The following LRCH1 variants were observed in gnomAD, a reference collection of about 807,000 sequenced individuals.
LRCH1 encodes leucine rich repeats and calponin homology domain containing 1, also known as leucine-rich repeat and calponin homology domain-containing protein 1.
In LRCH1, 23 loss-of-function variants were observed where a neutral mutation model predicts 94.9. That is an observed-to-expected ratio of 0.24 (90% CI 0.17 to 0.34). LRCH1 has a LOEUF of 0.34. LRCH1 is among the 10% of genes least tolerant of loss of function. The pLI, the probability that LRCH1 is intolerant of heterozygous loss-of-function variation, is 1.00. For synonymous variants in LRCH1, 364 were observed against 354.9 expected (o/e 1.03, Z -0.29); for missense variants, 790 against 945.9 (o/e 0.84, Z 2.16).
chr13:46,678,844 G>T (rs1413449731), intron 3 of LRCH1, among the ~76,000 whole-genome samples: 19 of 152,188 alleles, frequency 1.2e-4, no homozygotes, highest in Admixed American at 1.2e-3. Context: ...AAAGAGCAAG[G>T]TGAGTATAGT....
intron 7 of LRCH1, among the ~76,000 whole-genome samples, chr13:46,690,097 C>T (rs559087937): frequency 5.5e-4 from 84 of 152,126 alleles, no homozygotes; most frequent in African/African-American, 1.9e-3. Flanking sequence ...CAATTCTCCT[C>T]AAGTCGTTGA....
Position 46,712,470 on chromosome 13 carries a change from T to A in LRCH1, c.1582-55T>A, listed in dbSNP as rs1872116297. The A allele has an allele frequency of 2.3e-6, 3 of 1,304,618 alleles. No homozygotes were observed. In the East Asian group the frequency reaches 6.9e-5, roughly 30 times the overall value. The allele number at this position is 1,304,618 out of a possible 1,614,324, so 80.8% of individuals were successfully genotyped here. On this transcript the variant is annotated intron_variant, in intron 14 of 19. Coordinates refer to ENST00000389797, the MANE Select transcript of LRCH1 (RefSeq NM_001164211.2). The stretch of plus-strand genomic sequence containing the variant: ...CTTGAACATAGAAAACCATACATAG[T>A]TCTTCTGTTTTCCTTTTATTTTTTT...
Position 46,553,704 on chromosome 13 carries a change from G to C in LRCH1, c.307+1G>C, listed in dbSNP as rs2050029172. ...GACCTCTCGGACACGGTGCAGGCAGGTGAGTGAGGGCCGAGGGGCGGGCAG... is the reference window on the plus strand; with the variant it reads ...GACCTCTCGGACACGGTGCAGGCAGCTGAGTGAGGGCCGAGGGGCGGGCAG... On this transcript the variant is annotated splice_donor_variant, in intron 1 of 19. Coordinates refer to ENST00000389797, the MANE Select transcript of LRCH1 (RefSeq NM_001164211.2). LOFTEE classifies it high-confidence loss of function. 6.2e-7 allele frequency: 1 copy of C among 1,609,066 alleles called. No individual in the cohort carries two copies. The highest frequency in any genetic ancestry group is 8.5e-7 in the Non-Finnish European group (1 of 1,179,072).
chr13:46,647,641 T>C (rs2051239086), intron 1 of LRCH1, among the ~76,000 whole-genome samples: 1 of 152,210 alleles, frequency 6.6e-6, no homozygotes, highest in Admixed American at 6.5e-5. Flanking sequence ...AATTTGGCAC[T>C]CTGGCTTTAT....
intron 1 of LRCH1, among the ~76,000 whole-genome samples, chr13:46,576,943 C>G (rs2050310977): frequency 6.6e-6 from 1 of 152,162 alleles, no homozygotes; most frequent in South Asian, 2.1e-4. Context: ...GCTGGGGCTT[C>G]TCTCATCTGA....
Position 46,596,811 on chromosome 13 carries a change from T to G in LRCH1, c.307+43108T>G, listed in dbSNP as rs143991945. On this transcript the variant is annotated intron_variant, in intron 1 of 19. Transcript: ENST00000389797. ...ACATGGCTAGGTCCATGGCAATCGA[T>G]CATTTGCCCAGCATTTTGCCTGCTG... Among the ~76,000 whole-genome samples, 554 of 152,286 alleles carry G rather than the reference T, an allele frequency of 3.6e-3. 5 individuals are homozygous for G. The highest frequency in any genetic ancestry group is 0.013 in the African/African-American group (535 of 41,540).
At chr13:46,740,450 T>C (rs1593388738) in intron 19 of LRCH1, among the ~76,000 whole-genome samples, 1 of 152,222 alleles carries the variant, frequency 6.6e-6, no homozygotes, top group Admixed American at 6.5e-5. Context: ...TCGAGCTAAC[T>C]TCAGAGGACA....
chr13:46,604,678 C>T (rs1158021030), intron 1 of LRCH1, among the ~76,000 whole-genome samples: 1 of 151,982 alleles, frequency 6.6e-6, no homozygotes, highest in Non-Finnish European at 1.5e-5. Context: ...TTTTATTATC[C>T]AAGGAATGAG....
At position 46,597,158 on chromosome 13, in the gene LRCH1, T is replaced by C. The variant is rs1406649231; in HGVS notation, c.307+43455T>C. Among the ~76,000 whole-genome samples, 8 of 152,260 alleles carry C rather than the reference T, an allele frequency of 5.3e-5. 2 individuals are homozygous for C. The highest frequency in any genetic ancestry group is 5.2e-4 in the Admixed American group (8 of 15,288). Reference sequence around the variant, plus strand: ...GATATGTACAGAGCAGCAAAAAAATTTGAGTAGCTCAAGGTACACGTACCC... The same window carrying C: ...GATATGTACAGAGCAGCAAAAAAATCTGAGTAGCTCAAGGTACACGTACCC... On this transcript the variant is annotated intron_variant, in intron 1 of 19. Coordinates refer to ENST00000389797, the MANE Select transcript of LRCH1 (RefSeq NM_001164211.2).
At chr13:46,715,729 C>G in intron 16 of LRCH1, 65 bp downstream of exon 16, 2 of 922,986 alleles carry the variant, frequency 2.2e-6, no homozygotes, top group East Asian at 5.2e-5. Context: ...ACTGAACATT[C>G]ATCTCTGTGC....
At chr13:46,750,768 G>T in exon 19 of LRCH1, 6 of 649,762 alleles carry the variant, frequency 9.2e-6, no homozygotes, top group Non-Finnish European at 1.6e-5. Context: ...ACTGACTCCA[G>T]TTACATTGAA....
intron 5 of LRCH1, among the ~76,000 whole-genome samples, chr13:46,686,952 A>ATTTCTTT (rs771856002): frequency 2.0e-4 from 17 of 85,436 alleles, no homozygotes; most frequent in African/African-American, 7.0e-4. Flanking sequence ...GAGTATATTG[A>ATTTCTTT]TTTTTTTTTT....
In LRCH1 at chr13:46,743,456, A is replaced by G. The variant is rs1335735520; in HGVS notation, c.*1608A>G. ...GTTATCTAATTAACCTCAGTTGTAT[A>G]TGAATAACCCACAGATGTACTGAAT... On this transcript the variant is annotated 3_prime_UTR_variant, in exon 20 of 20. Coordinates refer to ENST00000389797, the MANE Select transcript of LRCH1 (RefSeq NM_001164211.2). The G allele has an allele frequency of 7.1e-6, 7 of 985,744 alleles. No individual in the cohort carries two copies. Among genetic ancestry groups the G allele is most frequent in the African/African-American group, 1.7e-5 (1 of 57,242 alleles). 61.1% of individuals were successfully genotyped at this position (985,744 alleles called of 1,614,324 possible).
intron 1 of LRCH1, among the ~76,000 whole-genome samples, chr13:46,602,202 ATT>A (rs749779782): frequency 2.0e-5 from 3 of 152,208 alleles, no homozygotes; most frequent in Non-Finnish European, 4.4e-5. Flanking sequence ...ACCCTGAGGA[ATT>A]TTTGGTTCCG....
chr13:46,654,571 C>G (rs2051347216), intron 2 of LRCH1, among the ~76,000 whole-genome samples: 1 of 151,858 alleles, frequency 6.6e-6, no homozygotes, highest in East Asian at 1.9e-4. Context: ...GATAGTATGC[C>G]AAAGAAAAAA....
At chr13:46,594,422 C>T (rs1334116816) in intron 1 of LRCH1, among the ~76,000 whole-genome samples, 4 of 152,064 alleles carry the variant, frequency 2.6e-5, no homozygotes, top group Non-Finnish European at 4.4e-5. Flanking sequence ...GGCTATTGAC[C>T]CCAAGAAAAT....
At chr13:46,729,555 AAAAAAAAAAAAAAG>A (rs1872999131) in intron 18 of LRCH1, among the ~76,000 whole-genome samples, 1 of 146,090 alleles carries the variant, frequency 6.8e-6, no homozygotes, top group Admixed American at 6.8e-5. Flanking sequence ...TGTCTCAAAA[AAAAAAAAAAAAAAG>A]AAAAAGAAAA....
At chr13:46,596,621 T>G (rs1299550732) in intron 1 of LRCH1, among the ~76,000 whole-genome samples, 1 of 152,232 alleles carries the variant, frequency 6.6e-6, no homozygotes, top group Non-Finnish European at 1.5e-5. Flanking sequence ...AATTCTAACT[T>G]GAAGCTACAT....
At chr13:46,584,770 A>G (rs953615803) in intron 1 of LRCH1, among the ~76,000 whole-genome samples, 3 of 152,210 alleles carry the variant, frequency 2.0e-5, no homozygotes, top group Non-Finnish European at 2.9e-5. Flanking sequence ...TGGCCATTTC[A>G]GTCTGATGAC....
Sources: allele counts gnomAD v4.1 joint callset (sites outside exome capture counted in the v4.1 genomes callset), GRCh38; gene constraint gnomAD v4.1.1; transcripts MANE v1.5; gene names NCBI Gene and HGNC (gene_info 2026-07-23, HGNC 2026-07-21).